Variants in CYP46A1 observed in about 807,000 individuals in gnomAD.
CYP46A1 encodes cytochrome P450 family 46 subfamily A member 1.
In CYP46A1, 20 loss-of-function variants were observed where a neutral mutation model predicts 63.3. That is an observed-to-expected ratio of 0.32 (90% CI 0.22 to 0.46). CYP46A1 has a LOEUF of 0.46. Ranked by LOEUF, CYP46A1 falls within the 20% of genes least tolerant of loss-of-function variation. The pLI, the probability that CYP46A1 is intolerant of heterozygous loss-of-function variation, is 1.00. For missense variants in CYP46A1, 445 were observed against 670.8 expected (o/e 0.66, Z 3.72); for synonymous variants, 268 against 273.6 (o/e 0.98, Z 0.20).
chr14:99,720,085 T>C (rs977865846), intron 10 of CYP46A1, among the ~76,000 whole-genome samples: 68 of 152,154 alleles, frequency 4.5e-4, no homozygotes, highest in African/African-American at 1.5e-3. Flanking sequence ...TTTTAAGACT[T>C]ACTAATGTTC....
In CYP46A1 at chr14:99,725,683, G is replaced by A. The variant is rs994825456; in HGVS notation, c.1265+204G>A. ...AGGGGTCTGGCCCCAGCTCAGTCTG[G>A]TTCTAAAGCTCATGCTCATAAGCAG... is the stretch of plus-strand genomic sequence containing the variant. On this transcript the variant is annotated intron_variant, in intron 13 of 14. Coordinates refer to ENST00000261835, the MANE Select transcript of CYP46A1 (RefSeq NM_006668.2). This position sits in a 1 kb window ranked among gnomAD's most constrained non-coding sequence, Gnocchi z 4.2. 7.2e-5 allele frequency among the ~76,000 whole-genome samples: 11 copies of A among 152,218 alleles called. No individual in the cohort carries two copies. The highest frequency in any genetic ancestry group is 2.0e-4 in the Admixed American group (3 of 15,288).
chr14:99,712,217 G>A (rs1368401961), intron 7 of CYP46A1: 2 of 152,112 alleles, frequency 1.3e-5, no homozygotes, highest in East Asian at 3.9e-4. Flanking sequence ...TTTCCTTTAA[G>A]AACTGGAACA....
intron 5 of CYP46A1, among the ~76,000 whole-genome samples, chr14:99,703,140 C>T (rs942760546): frequency 6.6e-6 from 1 of 152,156 alleles, no homozygotes; most frequent in African/African-American, 2.4e-5. Context: ...GATGCTGTGT[C>T]CTCTGTGGGG....
At chr14:99,715,165 A>G (rs947216555) in intron 7 of CYP46A1, among the ~76,000 whole-genome samples, 1 of 152,256 alleles carries the variant, frequency 6.6e-6, no homozygotes, top group Non-Finnish European at 1.5e-5. Context: ...AACACAAATG[A>G]TAAATGTTTG....
At position 99,690,314 on chromosome 14, in the gene CYP46A1, G is replaced by A. The variant is rs74667769; in HGVS notation, c.120-767G>A. 6.2e-4 allele frequency among the ~76,000 whole-genome samples: 95 copies of A among 152,204 alleles called. 1 individual carries two copies. In the East Asian group the frequency reaches 0.017, roughly 27 times the overall value. The stretch of plus-strand genomic sequence containing the variant: ...CACTAGGCATAAATGGGTTTTAAAC[G>A]GACACCCACACACTCATCCCCAGCC... On this transcript the variant is annotated intron_variant, in intron 1 of 14. Transcript: ENST00000261835.
chr14:99,726,492 C>A, intron 14 of CYP46A1, 65 bp from the exon 15 acceptor site: 1 of 1,419,354 alleles, frequency 7.0e-7, no homozygotes, highest in Non-Finnish European at 9.4e-7. Context: ...ACATTTGCTG[C>A]TCATTCACTC....
At chr14:99,720,146 A>T (rs2056832752) in intron 10 of CYP46A1, among the ~76,000 whole-genome samples, 1 of 152,114 alleles carries the variant, frequency 6.6e-6, no homozygotes, top group Non-Finnish European at 1.5e-5. Context: ...GTCCATGGGT[A>T]CCTGGGTTGC....
At chr14:99,688,341 C>G (rs1241428370) in intron 1 of CYP46A1, among the ~76,000 whole-genome samples, 3 of 152,158 alleles carry the variant, frequency 2.0e-5, no homozygotes, top group Non-Finnish European at 4.4e-5. Flanking sequence ...TATTCGCCTA[C>G]TCTCCCTTCC....
Position 99,722,657 on chromosome 14 carries a change from G to A in CYP46A1, c.1176+591G>A, listed in dbSNP as rs889839754. On this transcript the variant is annotated intron_variant, in intron 12 of 14. Coordinates refer to ENST00000261835, the MANE Select transcript of CYP46A1 (RefSeq NM_006668.2). The surrounding 1 kb of genome is among the most constrained non-coding windows in gnomAD (Gnocchi z 4.6). ...GTTTGCCATTCCCGTGTGTGTGTGT[G>A]TGTGTGTGTGTGTGTGTGTGTGCCT... 2.7e-5 allele frequency among the ~76,000 whole-genome samples: 4 copies of A among 149,296 alleles called. No individual in the cohort carries two copies. Among genetic ancestry groups the A allele is most frequent in the Non-Finnish European group, 5.9e-5 (4 of 67,910 alleles).
chr14:99,718,515 G>A (rs987913407), intron 10 of CYP46A1, among the ~76,000 whole-genome samples: 7 of 152,240 alleles, frequency 4.6e-5, no homozygotes, highest in Non-Finnish European at 2.9e-5. Context: ...GCCAGGGCCT[G>A]GCAGTGAGGA....
At chr14:99,694,343 C>T (rs1466543456) in intron 3 of CYP46A1, among the ~76,000 whole-genome samples, 1 of 141,276 alleles carries the variant, frequency 7.1e-6, no homozygotes, top group Non-Finnish European at 1.5e-5. Flanking sequence ...TTCCCTCTCT[C>T]ATTCCTGAGA....
Position 99,722,678 on chromosome 14 carries a change from T to TGCGC in CYP46A1, c.1176+614_1176+615insGCGC, listed in dbSNP as rs1555384079. Among the ~76,000 whole-genome samples the TGCGC allele has an allele frequency of 1.3e-5, 2 of 150,026 alleles. No homozygotes were observed. Among genetic ancestry groups the TGCGC allele is most frequent in the African/African-American group, 2.5e-5 (1 of 40,020 alleles). ...GTGTGTGTGTGTGTGTGTGTGTGTG[T>TGCGC]GCCTGTGTGCATTCACGCAGTAATA... On this transcript the variant is annotated intron_variant, in intron 12 of 14. Transcript: ENST00000261835. This position sits in a 1 kb window ranked among gnomAD's most constrained non-coding sequence, Gnocchi z 4.6.
chr14:99,702,822 A>T (rs1204648851), intron 5 of CYP46A1, among the ~76,000 whole-genome samples: 1 of 152,198 alleles, frequency 6.6e-6, no homozygotes, highest in Admixed American at 6.5e-5. Flanking sequence ...AAAATGAGAA[A>T]ATTAATAATA....
At chr14:99,686,388 G>A (rs1595181216) in intron 1 of CYP46A1, among the ~76,000 whole-genome samples, 1 of 152,312 alleles carries the variant, frequency 6.6e-6, no homozygotes, top group East Asian at 1.9e-4. Flanking sequence ...ATTCTTTAGT[G>A]TATGATTCAG....
intron 7 of CYP46A1, among the ~76,000 whole-genome samples, chr14:99,714,430 T>G (rs969706283): frequency 1.3e-5 from 2 of 152,088 alleles, no homozygotes; most frequent in African/African-American, 4.8e-5. Flanking sequence ...AAATATAGAA[T>G]CAACCTAAGC....
intron 7 of CYP46A1, among the ~76,000 whole-genome samples, chr14:99,713,955 A>G (rs184647437): frequency 6.6e-6 from 1 of 152,026 alleles, no homozygotes. Flanking sequence ...AAAAGAAACT[A>G]TCAACAGAAT....
intron 3 of CYP46A1, among the ~76,000 whole-genome samples, chr14:99,697,968 C>A (rs1397712298): frequency 2.6e-5 from 4 of 151,996 alleles, no homozygotes; most frequent in Admixed American, 2.6e-4. Context: ...TGGGCATTTA[C>A]TGTCACAGTC....
chr14:99,719,804 C>T (rs1244108854), intron 10 of CYP46A1, among the ~76,000 whole-genome samples: 16 of 141,250 alleles, frequency 1.1e-4, no homozygotes, highest in Non-Finnish European at 2.1e-4. Flanking sequence ...CTCTGTCGCC[C>T]AGGCTGCAGT....
intron 7 of CYP46A1, chr14:99,711,936 C>T (rs1304317515): frequency 1.3e-5 from 2 of 152,116 alleles, no homozygotes; most frequent in Non-Finnish European, 2.9e-5. Flanking sequence ...GGTAATTCAC[C>T]ATGATTAAGT....
Sources: allele counts gnomAD v4.1 joint callset (sites outside exome capture counted in the v4.1 genomes callset), GRCh38; gene constraint gnomAD v4.1.1; non-coding constraint Gnocchi (gnomAD v3.1); transcripts MANE v1.5; gene names NCBI Gene and HGNC (gene_info 2026-07-23, HGNC 2026-07-21).